The following XPO6 variants were observed in gnomAD, a reference collection of about 807,000 sequenced individuals.
The protein encoded by XPO6 is exportin 6.
In XPO6, 3 loss-of-function variants were observed where a neutral mutation model predicts 130.0. The observed-to-expected ratio is 0.02, with a 90% CI of 0.01 to 0.06. XPO6 has a LOEUF of 0.06. Ranked by LOEUF, XPO6 falls within the 10% of genes least tolerant of loss-of-function variation. The pLI is 1.00. For synonymous variants in XPO6, 524 were observed against 548.9 expected (o/e 0.95, Z 0.63); for missense variants, 970 against 1,393.0 (o/e 0.70, Z 4.83).
chr16:28,156,029 G>A (rs766722461), intron 7 of XPO6, 45 bp downstream of exon 7: 3 of 1,556,482 alleles, frequency 1.9e-6, no homozygotes, highest in Non-Finnish European at 2.6e-6. Context: ...TAAACAGTCA[G>A]GGCCCTTTCT....
At position 28,152,695 on chromosome 16, in the gene XPO6, C is replaced by G; in HGVS notation, c.1188G>C (p.Glu396Asp). ...TGTACTTGAACAAAAGTGTCAAAAA[C>G]TCCACCACAGGGAACTGGGAGTAAG... ...IESYSQFPVV[E>D]FLTLLFKYTF... Residue 396 changes from glutamate (E) to aspartate (D), a missense_variant, in exon 8 of 24, where the codon GAG (glutamate) becomes GAC (aspartate). Around this residue, in one of 4 missense-constraint regions of XPO6, gnomAD observed 936 missense variants for 1,306.8 expected, o/e 0.72. Coordinates refer to ENST00000304658, the MANE Select transcript of XPO6 (RefSeq NM_015171.4). 6.2e-7 allele frequency: 1 copy of G among 1,613,118 alleles called. No homozygotes were observed. The highest frequency in any genetic ancestry group is 8.5e-7 in the Non-Finnish European group (1 of 1,179,748).
intron 6 of XPO6, among the ~76,000 whole-genome samples, chr16:28,159,983 C>A (rs56943939): frequency 0.054 from 8,230 of 151,726 alleles, 568 homozygotes; most frequent in East Asian, 0.18. Context: ...GTCAGGAATT[C>A]GAGACAAGCC....
At chr16:28,117,978 T>TACTG (rs2087112398) in intron 14 of XPO6, among the ~76,000 whole-genome samples, 1 of 152,230 alleles carries the variant, frequency 6.6e-6, no homozygotes, top group Non-Finnish European at 1.5e-5. Context: ...GCAAAGGCTG[T>TACTG]ACTGACTGCA....
intron 9 of XPO6, 45 bp downstream of exon 9, chr16:28,146,049 C>A (rs757980589): frequency 1.4e-6 from 2 of 1,469,014 alleles, no homozygotes; most frequent in South Asian, 2.3e-5. Flanking sequence ...ACTAGAATAA[C>A]TGGCAAAATG....
intron 4 of XPO6, among the ~76,000 whole-genome samples, chr16:28,174,633 AT>A (rs1484730787): frequency 6.6e-6 from 1 of 152,168 alleles, no homozygotes; most frequent in African/African-American, 2.4e-5. Context: ...TAAATGAAGA[AT>A]TTTTGTGCCC....
chr16:28,125,963 G>T, intron 12 of XPO6, 115 bp from the exon 13 acceptor site: 1 of 1,361,496 alleles, frequency 7.3e-7, no homozygotes, highest in Non-Finnish European at 1.0e-6. Flanking sequence ...ACCAATTCGC[G>T]AAACAAAGCA....
chr16:28,178,759 C>CA (rs1241951320), intron 2 of XPO6, among the ~76,000 whole-genome samples: 1 of 82,254 alleles, frequency 1.2e-5, no homozygotes, highest in African/African-American at 4.0e-5. Flanking sequence ...TAAAACAAAA[C>CA]AAAACAAAAA....
intron 9 of XPO6, among the ~76,000 whole-genome samples, chr16:28,141,246 T>G (rs2141783750): frequency 6.6e-6 from 1 of 152,288 alleles, no homozygotes; most frequent in Non-Finnish European, 1.5e-5. Flanking sequence ...TTGCCAGAAG[T>G]CTAGTCACAA....
At chr16:28,140,440 G>A (rs2042868554) in intron 9 of XPO6, among the ~76,000 whole-genome samples, 1 of 152,124 alleles carries the variant, frequency 6.6e-6, no homozygotes, top group East Asian at 1.9e-4. Context: ...AGCACTTTGG[G>A]AGGCCAAGGC....
Position 28,167,734 on chromosome 16 carries a change from G to A in XPO6, c.566-1149C>T, listed in dbSNP as rs146209811. On this transcript the variant is annotated intron_variant, in intron 5 of 23. Coordinates refer to ENST00000304658, the MANE Select transcript of XPO6 (RefSeq NM_015171.4). ...ACCCGGAACATAAGGTGATCACAAA[G>A]GCTTTTGAAAATATCTTATTCTCAA... 1.6e-3 allele frequency among the ~76,000 whole-genome samples: 238 copies of A among 152,244 alleles called. 1 individual carries two copies. Among genetic ancestry groups the A allele is most frequent in the African/African-American group, 5.2e-3 (214 of 41,542 alleles).
In XPO6 at chr16:28,106,949, T is replaced by C. The variant is rs1421128232; in HGVS notation, c.2498-452A>G. Among the ~76,000 whole-genome samples the C allele has an allele frequency of 6.6e-6, 1 of 152,204 alleles. No individual in the cohort carries two copies. Among genetic ancestry groups the C allele is most frequent in the Non-Finnish European group, 1.5e-5 (1 of 68,036 alleles). On this transcript the variant is annotated intron_variant, in intron 18 of 23. Coordinates refer to ENST00000304658, the MANE Select transcript of XPO6 (RefSeq NM_015171.4). The surrounding 1 kb of genome is among the most constrained non-coding windows in gnomAD (Gnocchi z 4.2). ...AAGGTGTATTTAGGTTGCATGGCCC[T>C]GGTCCATTAAATGGATTAATTGCAG...
intron 20 of XPO6, 184 bp downstream of exon 20, chr16:28,105,859 A>T: frequency 2.4e-6 from 2 of 834,392 alleles, no homozygotes; most frequent in Non-Finnish European, 3.6e-6. Flanking sequence ...AGCTCCAATG[A>T]ACTCAATCAA....
In XPO6 at chr16:28,190,220, TTTA is replaced by T. The variant is rs199769492; in HGVS notation, c.4-9192_4-9190del. On this transcript the variant is annotated intron_variant, in intron 1 of 23. Transcript: ENST00000304658. ...ATGGAGAGGTGCACCAGTTTCTTTC[TTTA>T]TTTTTTTTTTTTTTTGAGACTGAGT... Among the ~76,000 whole-genome samples the T allele has an allele frequency of 6.6e-3, 991 of 150,144 alleles. 7 individuals carry two copies. The highest frequency in any genetic ancestry group is 0.023 in the African/African-American group (910 of 39,972).
chr16:28,121,766 T>C lies in XPO6; in HGVS notation c.1767-4A>G. On this transcript the variant is annotated splice_polypyrimidine_tract_variant and splice_region_variant and intron_variant, in intron 13 of 23. Coordinates refer to ENST00000304658, the MANE Select transcript of XPO6 (RefSeq NM_015171.4). ...GTACAGAGTGACTTTGACCAACCTG[T>C]TGGCAAAGAGGCAGGTAAACAAGAA... 4 of 1,605,424 alleles carry C rather than the reference T, an allele frequency of 2.5e-6. No individual in the cohort carries two copies. Among genetic ancestry groups the C allele is most frequent in the Non-Finnish European group, 3.4e-6 (4 of 1,172,262 alleles).
chr16:28,120,444 T>G (rs919120666), intron 14 of XPO6, among the ~76,000 whole-genome samples: 3 of 152,236 alleles, frequency 2.0e-5, no homozygotes, highest in African/African-American at 7.2e-5. Flanking sequence ...ATTTAAAATT[T>G]TATTTTATAT....
In XPO6 at chr16:28,211,916, G is replaced by A. The variant is rs928017841; in HGVS notation, c.-548C>T. 33 of 153,964 alleles carry A rather than the reference G, an allele frequency of 2.1e-4. No homozygotes were observed. Among genetic ancestry groups the A allele is most frequent in the African/African-American group, 7.2e-4 (30 of 41,622 alleles). 9.5% of individuals were successfully genotyped at this position (153,964 alleles called of 1,614,324 possible). On this transcript the variant is annotated 5_prime_UTR_variant, in exon 1 of 24. Coordinates refer to ENST00000304658, the MANE Select transcript of XPO6 (RefSeq NM_015171.4). The stretch of plus-strand genomic sequence containing the variant: ...GCGCGCGCCCGCCCTGGAGCCGCCC[G>A]CTAGTACCGCGCGGCCGCCCCCGAC...
chr16:28,103,272 C>T (rs947952126), intron 21 of XPO6, among the ~76,000 whole-genome samples: 3 of 152,170 alleles, frequency 2.0e-5, no homozygotes, highest in Non-Finnish European at 2.9e-5. Context: ...GCTTCTTTCA[C>T]CTGACAGAAT....
chr16:28,196,797 T>C (rs2141899048), intron 1 of XPO6, among the ~76,000 whole-genome samples: 1 of 152,238 alleles, frequency 6.6e-6, no homozygotes, highest in Admixed American at 6.5e-5. Flanking sequence ...CTCCTCTCAC[T>C]CTCATCCTTC....
intron 21 of XPO6, among the ~76,000 whole-genome samples, chr16:28,102,555 C>T (rs1477274668): frequency 4.6e-5 from 7 of 152,044 alleles, no homozygotes; most frequent in Admixed American, 3.3e-4. Flanking sequence ...CTGGCCAACA[C>T]GGTAAAACCC....
Sources: gnomAD v4.1 joint callset for allele counts (sites outside exome capture counted in the v4.1 genomes callset) on GRCh38, gnomAD v4.1.1 for gene constraint, gnomAD v4.1.1 regional missense constraint, Gnocchi (gnomAD v3.1) non-coding constraint, MANE v1.5 for transcripts, NCBI Gene and HGNC (gene_info 2026-07-23, HGNC 2026-07-21) for gene names.